The following ERAP1 variants were observed in gnomAD, a reference collection of about 807,000 sequenced individuals.
The protein encoded by ERAP1 is adipocyte-derived leucine aminopeptidase.
A neutral mutation model predicts 103.7 loss-of-function variants in ERAP1; 86 were observed. The observed-to-expected ratio is 0.83, with a 90% CI of 0.70 to 0.99. The LOEUF is 0.99. Ranked by LOEUF, ERAP1 falls within the 50% of genes least tolerant of loss-of-function variation. The pLI, the probability that ERAP1 is intolerant of heterozygous loss-of-function variation, is 0.00. For missense variants in ERAP1, 1,009 were observed against 1,128.4 expected (o/e 0.89, Z 1.52); for synonymous variants, 398 against 402.4 (o/e 0.99, Z 0.13).
chr5:96,931,409 G>C, the ERAP1 span, among the ~76,000 whole-genome samples: 2 of 152,080 alleles, frequency 1.3e-5, no homozygotes, highest in Non-Finnish European at 2.9e-5. Flanking sequence ...CTCCCACCTT[G>C]GCCTCCCAAA....
chr5:96,911,878 A>AAAAG, the ERAP1 span, among the ~76,000 whole-genome samples: 3 of 130,342 alleles, frequency 2.3e-5, no homozygotes, highest in Non-Finnish European at 4.8e-5. Context: ...AAAAAAAAAA[A>AAAAG]AAAGAAAGAA....
At chr5:96,895,003 G>A in the ERAP1 span, among the ~76,000 whole-genome samples, 1 of 151,816 alleles carries the variant, frequency 6.6e-6, no homozygotes, top group Non-Finnish European at 1.5e-5. Context: ...AATGAAAGTC[G>A]AAGAGTTAAG....
intron 17 of ERAP1, 80 bp downstream of exon 17, chr5:96,780,978 T>G: frequency 6.5e-7 from 1 of 1,538,386 alleles, no homozygotes; most frequent in Non-Finnish European, 9.0e-7. Flanking sequence ...ACTGTTACTG[T>G]TCTTTTACAA....
exon 20 of ERAP1, chr5:96,762,631 G>T (rs1413015110): frequency 2.3e-5 from 9 of 395,226 alleles, no homozygotes; most frequent in Non-Finnish European, 3.6e-5. Context: ...TATAAGAATT[G>T]AAAGTGCAAT....
chr5:96,859,060 TAC>T, the ERAP1 span, among the ~76,000 whole-genome samples: 8,233 of 144,660 alleles, frequency 0.057, 240 homozygotes, highest in Middle Eastern at 0.091. Context: ...GCCACATGCA[TAC>T]ACACACACAC....
intron 19 of ERAP1, among the ~76,000 whole-genome samples, chr5:96,766,306 T>C (rs909709436): frequency 3.3e-5 from 5 of 152,192 alleles, no homozygotes; most frequent in African/African-American, 1.2e-4. Flanking sequence ...CAGGTAAATA[T>C]TTATTTGAGC....
At chr5:96,763,096 T>C (rs1768566925) in exon 20 of ERAP1, 1 of 776,006 alleles carries the variant, frequency 1.3e-6, no homozygotes, top group Non-Finnish European at 2.4e-6. Context: ...CCTCATTTGC[T>C]AGATGGAGAT....
chr5:96,855,154 C>T, the ERAP1 span, among the ~76,000 whole-genome samples: 13 of 152,172 alleles, frequency 8.5e-5, no homozygotes, highest in African/African-American at 3.1e-4. Context: ...CACATAACTT[C>T]CACTGACCTC....
At chr5:96,913,494 T>A in the ERAP1 span, 62 of 1,610,244 alleles carry the variant, frequency 3.9e-5, 2 homozygotes, top group South Asian at 6.5e-4. Context: ...TGTTCTTCCA[T>A]GCAGATGTCT....
At chr5:96,855,410 G>A in the ERAP1 span, among the ~76,000 whole-genome samples, 4 of 152,136 alleles carry the variant, frequency 2.6e-5, no homozygotes, top group African/African-American at 9.7e-5. Context: ...ACTTTCACAG[G>A]ATACATTGTC....
chr5:96,906,543 C>T, the ERAP1 span, among the ~76,000 whole-genome samples: 1 of 152,208 alleles, frequency 6.6e-6, no homozygotes, highest in Non-Finnish European at 1.5e-5. Flanking sequence ...GCTGGGATTA[C>T]AGGTGTGAGC....
At chr5:96,927,965 G>A in the ERAP1 span, among the ~76,000 whole-genome samples, 1 of 152,012 alleles carries the variant, frequency 6.6e-6, no homozygotes, top group East Asian at 1.9e-4. Context: ...GAGTGCAGTG[G>A]CATGATCTCT....
the ERAP1 span, among the ~76,000 whole-genome samples, chr5:96,911,899 GA>G: frequency 8.9e-6 from 1 of 112,240 alleles, no homozygotes; most frequent in African/African-American, 3.3e-5. Flanking sequence ...AGAAAGAAAA[GA>G]AAAAAATGGC....
At chr5:96,897,435 A>G in the ERAP1 span, among the ~76,000 whole-genome samples, 2 of 152,228 alleles carry the variant, frequency 1.3e-5, no homozygotes, top group African/African-American at 2.4e-5. Context: ...CCTGTCTGCT[A>G]AATTCTTAGC....
intron 1 of ERAP1, among the ~76,000 whole-genome samples, chr5:96,805,357 T>TAA (rs57338770): frequency 1.4e-4 from 20 of 138,926 alleles, no homozygotes; most frequent in African/African-American, 2.7e-4. Flanking sequence ...TTTTTTTTTT[T>TAA]AAAAAAAAAA....
chr5:96,881,786 A>G, the ERAP1 span, among the ~76,000 whole-genome samples: 1 of 152,166 alleles, frequency 6.6e-6, no homozygotes, highest in Non-Finnish European at 1.5e-5. Flanking sequence ...GGGGAGAGAT[A>G]AGGGCAAAAA....
the ERAP1 span, among the ~76,000 whole-genome samples, chr5:96,886,421 TG>T: frequency 6.6e-6 from 1 of 152,260 alleles, no homozygotes; most frequent in Non-Finnish European, 1.5e-5. Flanking sequence ...TTGGCATTTT[TG>T]TGCTTTGGGG....
At chr5:96,856,862 T>G in the ERAP1 span, among the ~76,000 whole-genome samples, 1 of 152,244 alleles carries the variant, frequency 6.6e-6, no homozygotes, top group African/African-American at 2.4e-5. Flanking sequence ...CTGCTGGTTC[T>G]CTGTCTGCTC....
chr5:96,851,321 T>C, the ERAP1 span, among the ~76,000 whole-genome samples: 1 of 152,214 alleles, frequency 6.6e-6, no homozygotes, highest in Non-Finnish European at 1.5e-5. Flanking sequence ...GGCTGCACTG[T>C]GCTTCACTCA....
Sources: gnomAD v4.1 joint callset for allele counts (sites outside exome capture counted in the v4.1 genomes callset) on GRCh38, gnomAD v4.1.1 for gene constraint, MANE v1.5 for transcripts, NCBI Gene and HGNC (gene_info 2026-07-23, HGNC 2026-07-21) for gene names.